UNC80: variants seen among roughly 807,000 people sequenced by gnomAD.
UNC80 encodes unc-80 subunit of NALCN channel complex.
UNC80 carries 164 observed loss-of-function variants against 384.6 expected under a neutral mutation model. The observed-to-expected ratio is 0.43, with a 90% confidence interval of 0.38 to 0.49. UNC80 has a LOEUF of 0.49. UNC80 is among the 20% of genes least tolerant of loss of function. The probability of loss-of-function intolerance (pLI) is 0.00; values close to 1 mark genes in which losing one functional copy is unlikely to be tolerated. For missense variants in UNC80, 3,330 were observed against 4,143.0 expected (o/e 0.80, Z 5.39); for synonymous variants, 1,486 against 1,527.8 (o/e 0.97, Z 0.64).
chr2:209,854,779 T>C (rs1050363274), intron 22 of UNC80, among the ~76,000 whole-genome samples: 2 of 152,188 alleles, frequency 1.3e-5, no homozygotes, highest in African/African-American at 4.8e-5. Context: ...TGGTGATTAT[T>C]AAAAACTCAA....
In UNC80 at chr2:209,820,158, A is replaced by G. The variant is rs551792855; in HGVS notation, c.1963-153A>G. Among the ~76,000 whole-genome samples the G allele has an allele frequency of 3.9e-5, 6 of 152,338 alleles. No homozygotes were observed. The South Asian group carries it at 1.2e-3, about 32-fold the overall frequency. ...AGTAAATACACAAGATTCCACAGCA[A>G]CTTTTATAGGAAAATTTGACAGTTG... On this transcript the variant is annotated intron_variant, in intron 12 of 64. Coordinates refer to ENST00000673920, the MANE Select transcript of UNC80 (RefSeq NM_001371986.1).
chr2:209,790,368 T>G (rs1296436002), intron 6 of UNC80, among the ~76,000 whole-genome samples: 3 of 152,194 alleles, frequency 2.0e-5, no homozygotes, highest in African/African-American at 7.2e-5. Flanking sequence ...CTTTTTACCC[T>G]CCAACCTGGA....
rs984131793 is a variant in UNC80 at position 209,977,034 on chromosome 2, A to G, written c.8894A>G (p.Asn2965Ser). Residue 2965 changes from asparagine (N) to serine (S), a missense_variant, in exon 58 of 65, where the codon AAC (asparagine) becomes AGC (serine). This residue lies in a region of UNC80 where 216 missense variants were observed against 245.3 expected (regional missense o/e 0.88). Transcript: ENST00000673920. ...LCKSSLIAEFNSELKILKEAV... is the reference protein window; with the variant it reads ...LCKSSLIAEFSSELKILKEAV... ...AAGAGCTCGCTCATTGCTGAGTTCA[A>G]CAGTGAACTAAAAATTCTAAAAGAG... 6 of 1,526,600 alleles carry G rather than the reference A, an allele frequency of 3.9e-6. No homozygotes were observed. The highest frequency in any genetic ancestry group is 3.4e-4 in the Middle Eastern group (2 of 5,886). 94.6% of individuals were successfully genotyped at this position (1,526,600 alleles called of 1,614,324 possible).
Position 209,772,081 on chromosome 2 carries a change from G to A in UNC80, c.9G>A (p.Lys3=). ...TCCCGGGAGCCACCATTATGGTGAA[G>A]AGGAAGAGCTCCGAGGGCCAGGAGC... MV[K]RKSSEGQEQD... Residue 3 remains lysine (K), a synonymous_variant, in exon 1 of 65, where the codon AAG becomes AAA. Coordinates refer to ENST00000673920, the MANE Select transcript of UNC80 (RefSeq NM_001371986.1). 6.5e-7 allele frequency: 1 copy of A among 1,549,776 alleles called. No homozygotes were observed. The highest frequency in any genetic ancestry group is 8.7e-7 in the Non-Finnish European group (1 of 1,146,362).
intron 44 of UNC80, among the ~76,000 whole-genome samples, chr2:209,942,370 A>G (rs1364045062): frequency 2.0e-5 from 3 of 152,200 alleles, no homozygotes; most frequent in Non-Finnish European, 4.4e-5. Context: ...TGTTTAGCTG[A>G]TGTTTCTCCC....
At chr2:209,907,840 C>T (rs926385600) in intron 29 of UNC80, among the ~76,000 whole-genome samples, 3 of 152,188 alleles carry the variant, frequency 2.0e-5, no homozygotes, top group Admixed American at 2.0e-4. Flanking sequence ...GAGCTGTAGT[C>T]CTAGGGTGTT....
intron 28 of UNC80, among the ~76,000 whole-genome samples, chr2:209,898,977 C>T (rs991357424): frequency 1.3e-5 from 2 of 152,178 alleles, no homozygotes; most frequent in South Asian, 2.1e-4. Context: ...CTGAGTAGTA[C>T]TCTATTGTGT....
chr2:209,886,948 A>G (rs2085864131), intron 25 of UNC80, among the ~76,000 whole-genome samples: 1 of 152,214 alleles, frequency 6.6e-6, no homozygotes, highest in Non-Finnish European at 1.5e-5. Context: ...GCTCTAGGGA[A>G]GAATCTGTTT....
At position 209,839,222 on chromosome 2, in the gene UNC80, C is replaced by T. The variant is rs572393115; in HGVS notation, c.3042C>T (p.His1014=). 1.5e-5 allele frequency: 24 copies of T among 1,551,244 alleles called. No homozygotes were observed. Among genetic ancestry groups the T allele is most frequent in the African/African-American group, 1.2e-4 (9 of 73,104 alleles). The change falls in exon 19 of 65, where the codon CAC becomes CAT. Residue 1014 remains histidine (H), a splice_region_variant and synonymous_variant. Coordinates refer to ENST00000673920, the MANE Select transcript of UNC80 (RefSeq NM_001371986.1). The surrounding 1 kb of genome is among the most constrained non-coding windows in gnomAD (Gnocchi z 4.1). ...MSGRPSQTPE[H]DEQMQGANLG... is the part of the protein sequence containing the mutation. ...AACCCTATCCTCTGCTTGCCTACAG[C>T]GATGAACAAATGCAAGGAGCCAACT...
intron 53 of UNC80, 121 bp downstream of exon 53, chr2:209,970,012 G>A (rs35262014): frequency 0.016 from 20,738 of 1,273,162 alleles, 222 homozygotes; most frequent in Non-Finnish European, 0.018. Flanking sequence ...GAAAACAGAC[G>A]GCTCAGGTGA....
chr2:209,880,457 G>A (rs1394308391), intron 24 of UNC80, among the ~76,000 whole-genome samples: 1 of 152,216 alleles, frequency 6.6e-6, no homozygotes, highest in African/African-American at 2.4e-5. Flanking sequence ...CAACTTCACT[G>A]CCCTCAAAAC....
chr2:209,959,050 T>G, intron 49 of UNC80, 69 bp from the exon 50 acceptor site: 1 of 1,376,692 alleles, frequency 7.3e-7, no homozygotes, highest in Non-Finnish European at 1.0e-6. Context: ...TGAAAGTCGA[T>G]AAGAAGCCCC....
intron 35 of UNC80, among the ~76,000 whole-genome samples, chr2:209,923,633 C>T (rs2090211063): frequency 6.6e-6 from 1 of 152,038 alleles, no homozygotes; most frequent in African/African-American, 2.4e-5. Context: ...ATTGTTGTGT[C>T]TTTCTCATTG....
At chr2:209,873,026 T>C in intron 23 of UNC80, 56 bp downstream of exon 23, 2 of 1,450,638 alleles carry the variant, frequency 1.4e-6, no homozygotes, top group Non-Finnish European at 1.9e-6. Context: ...AGTGGAGTCA[T>C]TTTTTGATTG....
intron 20 of UNC80, 38 bp from the exon 21 acceptor site, chr2:209,842,312 T>G: frequency 3.5e-6 from 5 of 1,441,598 alleles, no homozygotes; most frequent in Non-Finnish European, 4.7e-6. Context: ...TACCTTTGAA[T>G]CTTATCTCTC....
At chr2:209,896,128 T>G (rs1171087111) in intron 27 of UNC80, among the ~76,000 whole-genome samples, 185 bp from the exon 28 acceptor site, 1 of 152,156 alleles carries the variant, frequency 6.6e-6, no homozygotes, top group Non-Finnish European at 1.5e-5. Flanking sequence ...AATTGCCAGT[T>G]CAGCTGGTGG....
chr2:209,800,178 C>A (rs1038047414), intron 7 of UNC80, among the ~76,000 whole-genome samples: 2 of 152,048 alleles, frequency 1.3e-5, no homozygotes, highest in Admixed American at 1.3e-4. Context: ...GCTGTGAATC[C>A]ATCTGGTCCT....
chr2:209,940,791 A>G (rs533468879), intron 43 of UNC80, among the ~76,000 whole-genome samples: 7 of 152,288 alleles, frequency 4.6e-5, no homozygotes, highest in Non-Finnish European at 8.8e-5. Context: ...CACTCCAGAC[A>G]GAACGACAGA....
At chr2:209,970,103 G>T in intron 53 of UNC80, 3 of 573,894 alleles carry the variant, frequency 5.2e-6, no homozygotes, top group Middle Eastern at 9.1e-4. Context: ...GGATTTTGGT[G>T]TGCTGCTTCC....
Sources: allele counts gnomAD v4.1 joint callset (sites outside exome capture counted in the v4.1 genomes callset), GRCh38; gene constraint gnomAD v4.1.1; regional missense constraint gnomAD v4.1.1; non-coding constraint Gnocchi (gnomAD v3.1); transcripts MANE v1.5; gene names NCBI Gene and HGNC (gene_info 2026-07-23, HGNC 2026-07-21).